DDX4: variants seen among roughly 807,000 people sequenced by gnomAD.
DDX4 encodes the protein DEAD-box helicase 4.
A neutral mutation model predicts 100.0 loss-of-function variants in DDX4; 25 were observed. The observed-to-expected ratio is 0.25, with a 90% CI of 0.18 to 0.35. DDX4 has a LOEUF of 0.35. DDX4 is among the 10% of genes least tolerant of loss of function. The pLI is 1.00. For synonymous variants in DDX4, 259 were observed against 275.7 expected (o/e 0.94, Z 0.60); for missense variants, 635 against 882.4 (o/e 0.72, Z 3.55).
At chr5:55,795,138 T>A (rs933111646) in intron 17 of DDX4, among the ~76,000 whole-genome samples, 1 of 152,102 alleles carries the variant, frequency 6.6e-6, no homozygotes, top group African/African-American at 2.4e-5. Context: ...GCTAATTTTG[T>A]ATTTTTAGTA....
At chr5:55,781,273 G>C (rs1741895378) in intron 9 of DDX4, 127 bp downstream of exon 9, 1 of 655,100 alleles carries the variant, frequency 1.5e-6, no homozygotes, top group African/African-American at 1.9e-5. Flanking sequence ...TTTTAGATCT[G>C]TAGGTAAAAA....
At position 55,813,689 on chromosome 5, in the gene DDX4, G is replaced by T; in HGVS notation, c.1632G>T (p.Met544Ile). Residue 544 changes from methionine (M) to isoleucine (I), a missense_variant, in exon 19 of 22, where the codon ATG becomes ATT. By Grantham distance (10) the Met-to-Ile change is conservative (BLOSUM62 1). Coordinates refer to ENST00000505374, the MANE Select transcript of DDX4 (RefSeq NM_024415.3). The part of the protein sequence containing the change: ...ILRNIGDERT[M>I]VFVETKKKAD... ...GTCTTGTAGGGGATGAAAGAACTAT[G>T]GTCTTTGTTGAAACTAAGAAAAAAG... is the stretch of plus-strand genomic sequence containing the variant. 1 of 1,586,640 alleles carries T rather than the reference G, an allele frequency of 6.3e-7. No individual in the cohort carries two copies. The highest frequency in any genetic ancestry group is 8.5e-7 in the Non-Finnish European group (1 of 1,170,158).
chr5:55,793,942 G>A (rs1742749288), intron 17 of DDX4, among the ~76,000 whole-genome samples: 3 of 152,108 alleles, frequency 2.0e-5, no homozygotes, highest in Admixed American at 2.0e-4. Context: ...TGGTCCCCTG[G>A]TTTGATAGAA....
At chr5:55,809,219 C>T (rs1170666545) in intron 18 of DDX4, among the ~76,000 whole-genome samples, 1 of 152,200 alleles carries the variant, frequency 6.6e-6, no homozygotes, top group East Asian at 1.9e-4. Context: ...TCTGTCACCC[C>T]TTTCTTTGAC....
intron 3 of DDX4, among the ~76,000 whole-genome samples, chr5:55,751,301 A>G (rs1281848045): frequency 6.6e-6 from 1 of 152,138 alleles, no homozygotes; most frequent in African/African-American, 2.4e-5. Context: ...TGCTGCAGTC[A>G]TAGCTCACTG....
At chr5:55,782,192 C>T (rs1180198500) in intron 10 of DDX4, 1 of 553,512 alleles carries the variant, frequency 1.8e-6, no homozygotes, top group Non-Finnish European at 3.2e-6. Flanking sequence ...TCTGATCCAG[C>T]AATTCCATTA....
intron 18 of DDX4, among the ~76,000 whole-genome samples, chr5:55,804,854 G>T (rs568183604): frequency 6.6e-6 from 1 of 152,080 alleles, no homozygotes; most frequent in Non-Finnish European, 1.5e-5. Flanking sequence ...TTCCAATTCT[G>T]TGAAGAAAGG....
intron 18 of DDX4, among the ~76,000 whole-genome samples, chr5:55,810,412 G>A (rs368905666): frequency 4.7e-4 from 72 of 152,046 alleles, no homozygotes; most frequent in African/African-American, 1.4e-3. Context: ...GCCATGTTTC[G>A]GATTTTTTTT....
chr5:55,807,623 T>G (rs997415058), intron 18 of DDX4, among the ~76,000 whole-genome samples: 8 of 152,206 alleles, frequency 5.3e-5, no homozygotes, highest in Non-Finnish European at 1.2e-4. Context: ...TTGCAGATTC[T>G]TTTCTTTAAG....
At chr5:55,780,174 T>G in intron 8 of DDX4, 109 bp downstream of exon 8, 2 of 1,476,848 alleles carry the variant, frequency 1.4e-6, no homozygotes, top group Non-Finnish European at 1.8e-6. Flanking sequence ...GAGAATAGCT[T>G]AGCTCAGTGA....
Position 55,751,327 on chromosome 5 carries a change from A to G in DDX4, c.127+5106A>G, listed in dbSNP as rs1289040494. On this transcript the variant is annotated intron_variant, in intron 3 of 21. Coordinates refer to ENST00000505374, the MANE Select transcript of DDX4 (RefSeq NM_024415.3). ...TAGCTCACTGCAGCTTCAATCTCCC[A>G]GGCTCAAGCAATCCTCCTGCCTCAG... Among the ~76,000 whole-genome samples the G allele has an allele frequency of 2.0e-5, 3 of 152,270 alleles. No homozygotes were observed. The East Asian group carries it at 5.8e-4, about 29-fold the overall frequency.
chr5:55,813,353 A>G (rs1744223318), intron 18 of DDX4, among the ~76,000 whole-genome samples: 1 of 152,166 alleles, frequency 6.6e-6, no homozygotes, highest in African/African-American at 2.4e-5. Context: ...GAGGGGAGGA[A>G]AGGACTGAGA....
At chr5:55,766,900 T>C in intron 6 of DDX4, 2 of 1,514,242 alleles carry the variant, frequency 1.3e-6, no homozygotes, top group Non-Finnish European at 1.8e-6. Flanking sequence ...TTTCGAAAAA[T>C]CATTCCTTTC....
intron 3 of DDX4, among the ~76,000 whole-genome samples, chr5:55,755,353 A>C (rs1001690373): frequency 2.6e-5 from 4 of 152,012 alleles, no homozygotes; most frequent in Non-Finnish European, 5.9e-5. Context: ...CTACTTGAAT[A>C]TTTGTTTTGT....
intron 10 of DDX4, among the ~76,000 whole-genome samples, chr5:55,784,038 G>T (rs1228008646): frequency 1.3e-5 from 2 of 151,980 alleles, no homozygotes; most frequent in Admixed American, 1.3e-4. Context: ...CCCTCCTCGT[G>T]TCCATGTGTT....
At chr5:55,776,286 T>A (rs955669561) in intron 7 of DDX4, among the ~76,000 whole-genome samples, 1 of 152,128 alleles carries the variant, frequency 6.6e-6, no homozygotes, top group Non-Finnish European at 1.5e-5. Context: ...CGAGAGTGGT[T>A]AATAAATAAG....
intron 2 of DDX4, chr5:55,742,134 G>A: frequency 2.2e-6 from 1 of 456,166 alleles, no homozygotes; most frequent in South Asian, 1.5e-5. Context: ...AACAGCGAAA[G>A]ATGTGAAGTT....
chr5:55,772,901 C>A (rs1741340515), intron 7 of DDX4, among the ~76,000 whole-genome samples: 1 of 152,060 alleles, frequency 6.6e-6, no homozygotes, highest in Non-Finnish European at 1.5e-5. Flanking sequence ...TCCTTTATAA[C>A]AACACAAAAC....
chr5:55,771,818 A>G (rs752152481), intron 7 of DDX4, among the ~76,000 whole-genome samples: 15 of 152,144 alleles, frequency 9.9e-5, no homozygotes, highest in Non-Finnish European at 1.6e-4. Context: ...TTTATTGGCC[A>G]TTTGGACATC....
Sources: allele counts gnomAD v4.1 joint callset (sites outside exome capture counted in the v4.1 genomes callset), GRCh38; gene constraint gnomAD v4.1.1; transcripts MANE v1.5; gene names NCBI Gene and HGNC (gene_info 2026-07-23, HGNC 2026-07-21).